The following RTN1 variants were observed in gnomAD, a reference collection of about 807,000 sequenced individuals.
The protein encoded by RTN1 is reticulon 1.
A neutral mutation model predicts 65.5 loss-of-function variants in RTN1; 25 were observed. The ratio of observed to expected loss-of-function variants is 0.38; its 90% CI spans 0.28 to 0.53. The LOEUF (loss-of-function observed/expected upper bound fraction) is 0.53. Ranked by LOEUF, RTN1 falls within the 20% of genes least tolerant of loss-of-function variation. The pLI, the probability that RTN1 is intolerant of heterozygous loss-of-function variation, is 0.79. For missense variants in RTN1, 983 were observed against 1,025.4 expected (o/e 0.96, Z 0.57); for synonymous variants, 471 against 447.6 (o/e 1.05, Z -0.66).
At chr14:59,697,771 G>A (rs966287531) in intron 3 of RTN1, among the ~76,000 whole-genome samples, 1 of 152,134 alleles carries the variant, frequency 6.6e-6, no homozygotes, top group Non-Finnish European at 1.5e-5. Context: ...AGTCAACAGC[G>A]TGATGTGGCT....
At chr14:59,682,414 C>G (rs1883764181) in intron 3 of RTN1, among the ~76,000 whole-genome samples, 1 of 152,168 alleles carries the variant, frequency 6.6e-6, no homozygotes, top group African/African-American at 2.4e-5. Flanking sequence ...CTTCTGCCCC[C>G]ACAGAAGGAT....
chr14:59,617,823 A>G (rs112913770), intron 3 of RTN1, among the ~76,000 whole-genome samples: 9,198 of 152,282 alleles, frequency 0.06, 359 homozygotes, highest in Non-Finnish European at 0.088. Context: ...CCAGGCCTGC[A>G]TGAGTACGCT....
chr14:59,664,976 A>G (rs1296220149), intron 3 of RTN1, among the ~76,000 whole-genome samples: 1 of 152,172 alleles, frequency 6.6e-6, no homozygotes, highest in Non-Finnish European at 1.5e-5. Context: ...GTGATCCAGT[A>G]TCTCCACATT....
At position 59,610,261 on chromosome 14, in the gene RTN1, C is replaced by T. The variant is rs1222551063; in HGVS notation, c.1766-2769G>A. The T allele has an allele frequency of 2.7e-5, 18 of 671,846 alleles. No individual in the cohort carries two copies. The East Asian group carries it at 4.9e-4, about 18-fold the overall frequency. 41.6% of individuals were successfully genotyped at this position (671,846 alleles called of 1,614,324 possible). ...TGGGCAGAAAGCATTAGCTAAGTAA[C>T]ATGAGTTTGGTGTAGGGTCGTCTCT... is the stretch of plus-strand genomic sequence containing the variant. On this transcript the variant is annotated intron_variant, in intron 3 of 8. Transcript: ENST00000267484.
intron 3 of RTN1, among the ~76,000 whole-genome samples, chr14:59,639,803 T>A (rs73309614): frequency 0.038 from 5,775 of 152,302 alleles, 351 homozygotes; most frequent in African/African-American, 0.13. Flanking sequence ...TGGATTTTTT[T>A]ATTTTTTTAA....
At chr14:59,749,420 C>CTATATATATCTATA in intron 1 of RTN1, among the ~76,000 whole-genome samples, 16 of 34,940 alleles carry the variant, frequency 4.6e-4, no homozygotes, top group African/African-American at 1.5e-3. Context: ...CTATATATAT[C>CTATATATATCTATA]TATATATCTA....
chr14:59,749,552 T>C (rs1253731325), intron 1 of RTN1, among the ~76,000 whole-genome samples: 1 of 46,214 alleles, frequency 2.2e-5, no homozygotes, highest in Non-Finnish European at 3.2e-5. Context: ...TATATTTATA[T>C]AGATATCTAT....
At chr14:59,630,715 C>T (rs1432925495) in intron 3 of RTN1, 2 of 1,128,450 alleles carry the variant, frequency 1.8e-6, no homozygotes, top group Non-Finnish European at 2.2e-6. Flanking sequence ...GGCGCGGCCC[C>T]GGAGCCGCCT....
intron 3 of RTN1, among the ~76,000 whole-genome samples, chr14:59,715,886 TG>T (rs1309722705): frequency 6.6e-6 from 1 of 151,928 alleles, no homozygotes; most frequent in Non-Finnish European, 1.5e-5. Context: ...AGGAACAAAT[TG>T]ACAATTAGAC....
intron 3 of RTN1, among the ~76,000 whole-genome samples, chr14:59,678,791 A>G (rs1883682639): frequency 6.6e-6 from 1 of 152,230 alleles, no homozygotes; most frequent in Admixed American, 6.5e-5. Context: ...GCGTGACCAC[A>G]GACCACCTGC....
In RTN1 at chr14:59,745,933, T is replaced by C; in HGVS notation, c.790A>G (p.Ile264Val). 4 of 1,614,138 alleles carry C rather than the reference T, an allele frequency of 2.5e-6. No individual in the cohort carries two copies. The highest frequency in any genetic ancestry group is 3.4e-6 in the Non-Finnish European group (4 of 1,180,006). The change falls in exon 2 of 9, where the codon ATA becomes GTA. Residue 264 changes from isoleucine (I) to valine (V), a missense_variant. Ile to Val is a conservative substitution (Grantham distance 29). Around this residue, in one of 2 missense-constraint regions of RTN1, gnomAD observed 818 missense variants for 801.8 expected, o/e 1.02. Coordinates refer to ENST00000267484, the MANE Select transcript of RTN1 (RefSeq NM_021136.3). Reference protein sequence around the residue: ...LLEESTFAPYIDDLSEEQRRA... With the variant: ...LLEESTFAPYVDDLSEEQRRA... ...CGCTGTTCTTCAGAGAGATCATCTA[T>C]GTATGGAGCAAATGTGGATTCTTCC...
At chr14:59,630,936 T>C in intron 3 of RTN1, 1 of 679,138 alleles carries the variant, frequency 1.5e-6, no homozygotes, top group Non-Finnish European at 1.8e-6. Flanking sequence ...ACTCCCAGAA[T>C]ATGCGAGGTG....
At chr14:59,761,736 C>A (rs535293137) in intron 1 of RTN1, among the ~76,000 whole-genome samples, 1 of 152,166 alleles carries the variant, frequency 6.6e-6, no homozygotes, top group African/African-American at 2.4e-5. Context: ...AGGACCATCC[C>A]TTGTAGAGGT....
At chr14:59,600,480 T>C (rs926787385) in intron 8 of RTN1, among the ~76,000 whole-genome samples, 2 of 152,200 alleles carry the variant, frequency 1.3e-5, no homozygotes, top group African/African-American at 2.4e-5. Flanking sequence ...TCTGTCTGAT[T>C]CTAACAATCA....
intron 1 of RTN1, among the ~76,000 whole-genome samples, chr14:59,838,450 A>T (rs1887252364): frequency 6.6e-6 from 1 of 152,172 alleles, no homozygotes; most frequent in Non-Finnish European, 1.5e-5. Context: ...AATTTTTTTC[A>T]AATGGGAAAA....
At chr14:59,606,508 GA>G (rs998327233) in intron 4 of RTN1, among the ~76,000 whole-genome samples, 10 of 152,130 alleles carry the variant, frequency 6.6e-5, no homozygotes, top group African/African-American at 2.2e-4. Flanking sequence ...GTCCCACAGT[GA>G]AAGTGAGGAC....
intron 3 of RTN1, among the ~76,000 whole-genome samples, chr14:59,711,808 T>A (rs1273096147): frequency 1.3e-5 from 2 of 152,182 alleles, no homozygotes; most frequent in East Asian, 3.9e-4. Context: ...GAGATCATTG[T>A]GAAACAGGTC....
chr14:59,718,568 A>T (rs57266110), intron 3 of RTN1, among the ~76,000 whole-genome samples: 37 of 152,268 alleles, frequency 2.4e-4, no homozygotes, highest in African/African-American at 7.9e-4. Flanking sequence ...GCCATATTGG[A>T]CCATTCCAGC....
At chr14:59,626,525 T>A (rs1230654142) in intron 3 of RTN1, among the ~76,000 whole-genome samples, 1 of 152,180 alleles carries the variant, frequency 6.6e-6, no homozygotes, top group Admixed American at 6.5e-5. Flanking sequence ...GAAAAAATGA[T>A]CTTTAGAGAA....
Sources: gnomAD v4.1 joint callset for allele counts (sites outside exome capture counted in the v4.1 genomes callset) on GRCh38, gnomAD v4.1.1 for gene constraint, gnomAD v4.1.1 regional missense constraint, MANE v1.5 for transcripts, NCBI Gene and HGNC (gene_info 2026-07-23, HGNC 2026-07-21) for gene names.